The following ANKRD45 variants were observed in gnomAD, a reference collection of about 807,000 sequenced individuals.
The protein encoded by ANKRD45 is ankyrin repeat domain-containing protein 45.
ANKRD45 carries 21 observed loss-of-function variants against 28.1 expected under a neutral mutation model. That is an observed-to-expected ratio of 0.75 (90% CI 0.53 to 1.08). ANKRD45 has a LOEUF of 1.08. Ranked by LOEUF, ANKRD45 falls within the 50% of genes least tolerant of loss-of-function variation. The pLI is 0.00. For missense variants in ANKRD45, 261 were observed against 308.7 expected, an observed-to-expected ratio of 0.85 and a Z score of 1.16; for synonymous variants, 86 against 103.9, an observed-to-expected ratio of 0.83 and a Z score of 1.05.
intron 5 of ANKRD45, among the ~76,000 whole-genome samples, chr1:173,611,984 C>G (rs1005207672): frequency 1.6e-4 from 25 of 152,134 alleles, no homozygotes; most frequent in African/African-American, 5.8e-4. Flanking sequence ...TGGCTCACAC[C>G]TGTAATTCCA....
At chr1:173,691,683 A>G in the ANKRD45 span, among the ~76,000 whole-genome samples, 34 of 152,184 alleles carry the variant, frequency 2.2e-4, no homozygotes, top group Non-Finnish European at 4.3e-4. Context: ...GCTACTTGGG[A>G]GGCTGAGGCA....
the ANKRD45 span, among the ~76,000 whole-genome samples, chr1:173,694,771 G>A: frequency 6.6e-6 from 1 of 151,878 alleles, no homozygotes; most frequent in Non-Finnish European, 1.5e-5. Flanking sequence ...ATGCCTTTGT[G>A]TACCCACAGC....
chr1:173,671,775 G>A (rs1338485199), upstream of ANKRD45, among the ~76,000 whole-genome samples: 1 of 151,628 alleles, frequency 6.6e-6, no homozygotes, highest in Admixed American at 6.6e-5. Context: ...CCAGCTCCTT[G>A]GGAGGATGAG....
intron 2 of ANKRD45, among the ~76,000 whole-genome samples, chr1:173,652,107 C>T (rs1416888901): frequency 1.3e-5 from 2 of 152,026 alleles, no homozygotes; most frequent in Non-Finnish European, 2.9e-5. Flanking sequence ...TGCCTGATTG[C>T]CCTGGCCAGA....
intron 3 of ANKRD45, among the ~76,000 whole-genome samples, chr1:173,645,475 T>C (rs769035364): frequency 6.6e-5 from 10 of 152,182 alleles, no homozygotes; most frequent in Non-Finnish European, 1.5e-4. Flanking sequence ...GTAACTGCTT[T>C]ATATCATCTC....
the ANKRD45 span, among the ~76,000 whole-genome samples, chr1:173,694,600 G>A: frequency 6.6e-6 from 1 of 150,728 alleles, no homozygotes; most frequent in Non-Finnish European, 1.5e-5. Flanking sequence ...GGTATGTGTG[G>A]TTTTTGGTTA....
chr1:173,706,658 A>C, the ANKRD45 span, among the ~76,000 whole-genome samples: 2 of 152,084 alleles, frequency 1.3e-5, no homozygotes, highest in Non-Finnish European at 2.9e-5. Context: ...TTCTTTTTAT[A>C]ACTGCATAGT....
Position 173,646,981 on chromosome 1 carries a change from C to T in ANKRD45, c.361G>A (p.Gly121Ser). The T allele has an allele frequency of 6.2e-7, 1 of 1,614,056 alleles. No homozygotes were observed. Among genetic ancestry groups the T allele is most frequent in the Non-Finnish European group, 8.5e-7 (1 of 1,179,978 alleles). ...YTLLHCAAAW[G>S]RLETLKALVE... ...AGTGCTTTCAAAGTTTCCAAACGAC[C>T]CCAGGCTGCAGCACAATGTAAGAGT... The change falls in exon 3 of 6, where the codon GGT becomes AGT. Residue 121 changes from glycine (G) to serine (S), a missense_variant. Coordinates refer to ENST00000333279, the MANE Select transcript of ANKRD45 (RefSeq NM_198493.3).
intron 3 of ANKRD45, among the ~76,000 whole-genome samples, chr1:173,633,887 G>C (rs1251349952): frequency 6.6e-6 from 1 of 151,846 alleles, no homozygotes; most frequent in African/African-American, 2.4e-5. Flanking sequence ...TGAAACTACT[G>C]TAAGAAAACA....
chr1:173,625,546 A>G (rs1667895254), intron 4 of ANKRD45, among the ~76,000 whole-genome samples: 1 of 152,194 alleles, frequency 6.6e-6, no homozygotes, highest in South Asian at 2.1e-4. Context: ...GATGTTTATT[A>G]TACTATGGTC....
At chr1:173,680,278 T>G in the ANKRD45 span, among the ~76,000 whole-genome samples, 1 of 152,196 alleles carries the variant, frequency 6.6e-6, no homozygotes, top group African/African-American at 2.4e-5. Context: ...AGCAAAGACT[T>G]GGAACCAACT....
chr1:173,711,727 G>C, the ANKRD45 span, among the ~76,000 whole-genome samples: 40 of 152,254 alleles, frequency 2.6e-4, no homozygotes, highest in African/African-American at 9.4e-4. Flanking sequence ...TACTCAGGTG[G>C]CAGAAAAACT....
intron 2 of ANKRD45, among the ~76,000 whole-genome samples, chr1:173,647,654 C>A (rs1668997776): frequency 6.6e-6 from 1 of 152,184 alleles, no homozygotes; most frequent in East Asian, 1.9e-4. Context: ...AACTTGCTCA[C>A]AAGGATATAC....
intron 3 of ANKRD45, among the ~76,000 whole-genome samples, chr1:173,634,136 A>C (rs1668310497): frequency 6.6e-6 from 1 of 152,062 alleles, no homozygotes; most frequent in Non-Finnish European, 1.5e-5. Flanking sequence ...ATAGGAAAAA[A>C]ATCTAATAAT....
At chr1:173,677,535 T>C in the ANKRD45 span, among the ~76,000 whole-genome samples, 2 of 152,130 alleles carry the variant, frequency 1.3e-5, no homozygotes, top group Admixed American at 1.3e-4. Flanking sequence ...TCCTCAATAG[T>C]CCCTGGACCT....
At chr1:173,633,108 CCAAA>C (rs1346025765) in intron 3 of ANKRD45, among the ~76,000 whole-genome samples, 1 of 151,762 alleles carries the variant, frequency 6.6e-6, no homozygotes, top group Admixed American at 6.6e-5. Context: ...AAAGACTCCA[CCAAA>C]CAATTATTAG....
chr1:173,685,597 A>C, the ANKRD45 span, among the ~76,000 whole-genome samples: 1 of 152,172 alleles, frequency 6.6e-6, no homozygotes, highest in East Asian at 1.9e-4. Flanking sequence ...TTGGTATCCT[A>C]ATTGCCAAAG....
At chr1:173,703,674 G>A in the ANKRD45 span, among the ~76,000 whole-genome samples, 1 of 152,176 alleles carries the variant, frequency 6.6e-6, no homozygotes, top group Non-Finnish European at 1.5e-5. Flanking sequence ...GTTTCCCAAT[G>A]TTCTTGCCCA....
chr1:173,663,479 GA>G lies in ANKRD45; in HGVS notation c.-15-4047del, dbSNP rs201075731. Reference sequence around the variant, plus strand: ...TCTCATCTCCTTTTCTTTTGGAATAGAACCCCACCCTCTCTTCTTTTGGAAT... The same window carrying G: ...TCTCATCTCCTTTTCTTTTGGAATAGACCCCACCCTCTCTTCTTTTGGAAT... On this transcript the variant is annotated intron_variant, in intron 1 of 5. Coordinates refer to ENST00000333279, the MANE Select transcript of ANKRD45 (RefSeq NM_198493.3). Among the ~76,000 whole-genome samples, 131 of 147,066 alleles carry G rather than the reference GA, an allele frequency of 8.9e-4. 2 individuals carry two copies. In the East Asian group the frequency reaches 0.024, roughly 27 times the overall value.
Sources: gnomAD v4.1 joint callset for allele counts (sites outside exome capture counted in the v4.1 genomes callset) on GRCh38, gnomAD v4.1.1 for gene constraint, MANE v1.5 for transcripts, NCBI Gene and HGNC (gene_info 2026-07-23, HGNC 2026-07-21) for gene names.